SYT4: variants seen among roughly 807,000 people sequenced by gnomAD.
SYT4 encodes the protein synaptotagmin 4.
A neutral mutation model predicts 32.9 loss-of-function variants in SYT4; 7 were observed. The ratio of observed to expected loss-of-function variants is 0.21; its 90% CI spans 0.12 to 0.40. The LOEUF is 0.40. Among genes scored for constraint, SYT4 ranks in the 10% least tolerant of loss-of-function variants. SYT4 has a pLI of 1.00. For missense variants in SYT4, 480 were observed against 488.0 expected (o/e 0.98, Z 0.16); for synonymous variants, 205 against 186.2 (o/e 1.10, Z -0.82).
At chr18:43,272,067 A>G (rs942758923) in intron 2 of SYT4, 4 of 286,478 alleles carry the variant, frequency 1.4e-5, no homozygotes, top group African/African-American at 4.4e-5. Context: ...AAAATTGGCA[A>G]TAAATTGGCC....
At chr18:43,274,750 T>G (rs1213268686) in intron 1 of SYT4, among the ~76,000 whole-genome samples, 3 of 152,152 alleles carry the variant, frequency 2.0e-5, no homozygotes, top group Non-Finnish European at 4.4e-5. Context: ...CAGTACTAAC[T>G]TCATTATTTT....
At chr18:43,276,511 G>C (rs1035122377) in intron 1 of SYT4, among the ~76,000 whole-genome samples, 1 of 152,122 alleles carries the variant, frequency 6.6e-6, no homozygotes, top group Non-Finnish European at 1.5e-5. Context: ...TTTATGTACT[G>C]AAACCAAAAA....
chr18:43,274,371 T>A lies in SYT4; in HGVS notation c.58A>T (p.Ile20Phe), dbSNP rs1013933896. The change falls in exon 2 of 4, where the codon ATC (isoleucine) becomes TTC (phenylalanine). Residue 20 changes from isoleucine (I) to phenylalanine (F), a missense_variant. Transcript: ENST00000255224. ...EFDEIPTVVG[I>F]FSAFGLVFTV... is the part of the protein sequence containing the mutation. Reference sequence around the variant, plus strand: ...AAGACCAGGCCAAATGCACTGAAGATCCCCACCACTGTGGGGATTTCATCT... The same window carrying A: ...AAGACCAGGCCAAATGCACTGAAGAACCCCACCACTGTGGGGATTTCATCT... The A allele has an allele frequency of 7.5e-6, 12 of 1,602,510 alleles. No homozygotes were observed. The highest frequency in any genetic ancestry group is 1.0e-5 in the Non-Finnish European group (12 of 1,177,762).
rs1284839855 is a variant in SYT4, at chr18:43,270,661, A to G, written c.971-13T>C. 1.2e-6 allele frequency: 2 copies of G among 1,611,122 alleles called. No individual in the cohort carries two copies. The highest frequency in any genetic ancestry group is 1.7e-6 in the Non-Finnish European group (2 of 1,177,910). ...TTGACATAGGGATCTGCAGTGGAAC[A>G]TAACAGGCATTACAATGGCATAACT... On this transcript the variant is annotated splice_polypyrimidine_tract_variant and intron_variant, in intron 3 of 3. Coordinates refer to ENST00000255224, the MANE Select transcript of SYT4 (RefSeq NM_020783.4).
In SYT4 at chr18:43,273,948, A is replaced by G; in HGVS notation, c.481T>C (p.Leu161=). ...GCTTTTCTCTCGAAGTTGTATTCTA[A>G]GGAGAAGAAGAGAGTTCCCAGCTTC... The part of the protein sequence containing the change: ...QEKLGTLFFS[L]EYNFERKAFV... Residue 161 remains leucine, a synonymous_variant, in exon 2 of 4, where the codon TTA becomes CTA. Coordinates refer to ENST00000255224, the MANE Select transcript of SYT4 (RefSeq NM_020783.4). 6.2e-7 allele frequency: 1 copy of G among 1,614,008 alleles called. No homozygotes were observed. The highest frequency in any genetic ancestry group is 8.5e-7 in the Non-Finnish European group (1 of 1,179,942).
In SYT4 at chr18:43,270,219, T is replaced by C. The variant is rs996227204; in HGVS notation, c.*122A>G. 1.9e-6 allele frequency: 2 copies of C among 1,030,590 alleles called. No homozygotes were observed. The highest frequency in any genetic ancestry group is 3.2e-5 in the African/African-American group (2 of 62,266). The allele number at this position is 1,030,590 out of a possible 1,614,324, so 63.8% of individuals were successfully genotyped here. A position where few individuals can be genotyped will look rare whatever the true frequency, so the allele number is the denominator to read the frequency against. ...CTGGTCTACTAATTCAATCCATTTC[T>C]AGCAACAACAACAACAACAAAAAGG... On this transcript the variant is annotated 3_prime_UTR_variant, in exon 4 of 4. Transcript: ENST00000255224.
At chr18:43,274,492 G>C in intron 1 of SYT4, 98 bp from the exon 2 acceptor site, 2 of 959,442 alleles carry the variant, frequency 2.1e-6, no homozygotes, top group Non-Finnish European at 3.0e-6. Context: ...GCTATAGGTT[G>C]GATAGATTGA....
chr18:43,271,930 TCTTA>T lies in SYT4; in HGVS notation c.850-102_850-99del, dbSNP rs1179972696. 1.3e-5 allele frequency: 16 copies of T among 1,256,034 alleles called. No individual in the cohort carries two copies. The South Asian group carries it at 2.3e-4, about 18-fold the overall frequency. 77.8% of individuals were successfully genotyped at this position (1,256,034 alleles called of 1,614,324 possible). On this transcript the variant is annotated intron_variant, in intron 2 of 3. Coordinates refer to ENST00000255224, the MANE Select transcript of SYT4 (RefSeq NM_020783.4). ...AAATAACATCGTCATTTAAATATAA[TCTTA>T]CTTATTTTTATTTTAATATTCTAAG... is the stretch of plus-strand genomic sequence containing the variant.
In SYT4 at chr18:43,277,302, C is replaced by T; in HGVS notation, c.-21G>A. On this transcript the variant is annotated 5_prime_UTR_variant, in exon 1 of 4. Transcript: ENST00000255224. ...GCCATTTTTTACTGCGTGTTCTGTC[C>T]GAGGTGCTGAAGGGAAAACTGCCTG... is the stretch of plus-strand genomic sequence containing the variant. 1.2e-6 allele frequency: 2 copies of T among 1,613,950 alleles called. No homozygotes were observed.
At position 43,269,236 on chromosome 18, in the gene SYT4, G is replaced by C. The variant is rs189870734; in HGVS notation, c.*1105C>G. On this transcript the variant is annotated 3_prime_UTR_variant, in exon 4 of 4. Transcript: ENST00000255224. The stretch of plus-strand genomic sequence containing the variant: ...TAATTTGACAGCCTAAGCATATTTT[G>C]CGTGAACATATGTAAATTATATTAG... 34 of 152,280 alleles carry C rather than the reference G, an allele frequency of 2.2e-4. No individual in the cohort carries two copies. The highest frequency in any genetic ancestry group is 8.2e-4 in the African/African-American group (34 of 41,550). The allele number at this position is 152,280 out of a possible 1,614,324, so 9.4% of individuals were successfully genotyped here.
Position 43,269,346 on chromosome 18 carries a change from A to C in SYT4, c.*995T>G, listed in dbSNP as rs1384428062. 3.3e-5 allele frequency: 5 copies of C among 152,238 alleles called. No homozygotes were observed. The highest frequency in any genetic ancestry group is 4.8e-5 in the African/African-American group (2 of 41,470). The allele number at this position is 152,238 out of a possible 1,614,324, so 9.4% of individuals were successfully genotyped here. On this transcript the variant is annotated 3_prime_UTR_variant, in exon 4 of 4. Transcript: ENST00000255224. ...ATCTGGCAATGTAAAAAATCTTCAC[A>C]GTCTTTTCAAGTAGCATCTTAATCT...
rs1196099247 is a variant in SYT4 at position 43,267,947 on chromosome 18, T to C, written c.*2394A>G. On this transcript the variant is annotated 3_prime_UTR_variant, in exon 4 of 4. Transcript: ENST00000255224. ...TACAAACATGGTCTTACAAACATCA[T>C]ACAGAGCTGGCACAAAAGAACAGAC... 1 of 152,176 alleles carries C rather than the reference T, an allele frequency of 6.6e-6. No homozygotes were observed. Among genetic ancestry groups the C allele is most frequent in the African/African-American group, 2.4e-5 (1 of 41,458 alleles). 9.4% of individuals were successfully genotyped at this position (152,176 alleles called of 1,614,324 possible). A position where few individuals can be genotyped will look rare whatever the true frequency, so the allele number is the denominator to read the frequency against.
intron 3 of SYT4, 126 bp downstream of exon 3, chr18:43,271,586 C>T: frequency 1.6e-6 from 2 of 1,277,006 alleles, no homozygotes; most frequent in African/African-American, 1.5e-5. Flanking sequence ...AAACTAAAAG[C>T]TAACTTTTAT....
rs1908581293 is a variant in SYT4 at position 43,270,139 on chromosome 18, T to C, written c.*202A>G. 1.7e-6 allele frequency: 1 copy of C among 585,324 alleles called. No homozygotes were observed. Among genetic ancestry groups the C allele is most frequent in the Non-Finnish European group, 3.0e-6 (1 of 335,918 alleles). The allele number at this position is 585,324 out of a possible 1,614,324, so 36.3% of individuals were successfully genotyped here. A position where few individuals can be genotyped will look rare whatever the true frequency, so the allele number is the denominator to read the frequency against. On this transcript the variant is annotated 3_prime_UTR_variant, in exon 4 of 4. Transcript: ENST00000255224. ...ATATTGAATATCTTATGAAAATTTA[T>C]CCAACTCTTCTAATAAATAGGGAAA...
intron 2 of SYT4, chr18:43,272,226 G>A: frequency 6.5e-6 from 1 of 153,766 alleles, no homozygotes; most frequent in South Asian, 2.0e-4. Flanking sequence ...GTATGTGTTG[G>A]GTCAAATGAC....
In SYT4 at chr18:43,270,036, T is replaced by G; in HGVS notation, c.*305A>C. On this transcript the variant is annotated 3_prime_UTR_variant, in exon 4 of 4. Transcript: ENST00000255224. ...GACATGTTCCAATGAGATTGTCACA[T>G]TTATAATTTGGGATTCTGGCACAGT... 1 of 312,272 alleles carries G rather than the reference T, an allele frequency of 3.2e-6. No individual in the cohort carries two copies. Among genetic ancestry groups the G allele is most frequent in the Non-Finnish European group, 5.9e-6 (1 of 168,766 alleles). The allele number at this position is 312,272 out of a possible 1,614,324, so 19.3% of individuals were successfully genotyped here.
At chr18:43,275,828 G>A (rs1043810922) in intron 1 of SYT4, among the ~76,000 whole-genome samples, 4 of 152,022 alleles carry the variant, frequency 2.6e-5, no homozygotes, top group African/African-American at 9.7e-5. Context: ...TAAAGCAAGA[G>A]CTAAAGATAA....
rs892295688 is a variant in SYT4, at chr18:43,277,429, G to A, written c.-148C>T. Reference sequence around the variant, plus strand: ...GCTCCTGGAACAGGGAGGAGGCAAAGAGGGAGGTCCACTCGCCCTCGCACA... The same window carrying A: ...GCTCCTGGAACAGGGAGGAGGCAAAAAGGGAGGTCCACTCGCCCTCGCACA... On this transcript the variant is annotated 5_prime_UTR_variant, in exon 1 of 4. Transcript: ENST00000255224. The A allele has an allele frequency of 1.2e-6, 1 of 843,618 alleles. No individual in the cohort carries two copies. The highest frequency in any genetic ancestry group is 1.6e-5 in the South Asian group (1 of 62,934). 52.3% of individuals were successfully genotyped at this position (843,618 alleles called of 1,614,324 possible).
At position 43,271,467 on chromosome 18, in the gene SYT4, G is replaced by C. The variant is rs563700464; in HGVS notation, c.970+245C>G. Among the ~76,000 whole-genome samples, 5 of 152,192 alleles carry C rather than the reference G, an allele frequency of 3.3e-5. No individual in the cohort carries two copies. In the East Asian group the frequency reaches 9.6e-4, roughly 29 times the overall value. ...ATCATATTTTGCTAGTGAATGGAAG[G>C]GTTAGGATTTGAACTCAGGTAATTT... On this transcript the variant is annotated intron_variant, in intron 3 of 3. Coordinates refer to ENST00000255224, the MANE Select transcript of SYT4 (RefSeq NM_020783.4).
Sources: allele counts gnomAD v4.1 joint callset (sites outside exome capture counted in the v4.1 genomes callset), GRCh38; gene constraint gnomAD v4.1.1; transcripts MANE v1.5; gene names NCBI Gene and HGNC (gene_info 2026-07-23, HGNC 2026-07-21).